The following TMC2 variants were observed in gnomAD, a reference collection of about 807,000 sequenced individuals.
TMC2 encodes transmembrane channel like 2, also known as transmembrane channel-like protein 2.
TMC2 carries 102 observed loss-of-function variants against 105.9 expected under a neutral mutation model. That is an observed-to-expected ratio of 0.96 (90% CI 0.82 to 1.14). The LOEUF is 1.14. Ranked by LOEUF, TMC2 falls within the 50% of genes most tolerant of loss-of-function variation. The probability of loss-of-function intolerance (pLI) is 0.00; values close to 1 mark genes in which losing one functional copy is unlikely to be tolerated. For synonymous variants in TMC2, 402 were observed against 422.8 expected, an observed-to-expected ratio of 0.95 and a Z score of 0.60; for missense variants, 1,093 against 1,134.3, an observed-to-expected ratio of 0.96 and a Z score of 0.52.
At position 2,617,117 on chromosome 20, in the gene TMC2, G is replaced by A. The variant is rs143375715; in HGVS notation, c.1986G>A (p.Leu662=). 2.4e-5 allele frequency: 38 copies of A among 1,614,098 alleles called. No individual in the cohort carries two copies. The African/African-American group carries it at 2.7e-4, about 11-fold the overall frequency. Residue 662 remains leucine, a synonymous_variant, in exon 16 of 20, where the codon CTG becomes CTA. Transcript: ENST00000358864. ...YAPGLVGINV[L]RLLTSMYFQC... is the part of the protein sequence containing the mutation. The stretch of plus-strand genomic sequence containing the variant: ...CAGGCCTGGTGGGCATTAATGTGCT[G>A]CGCCTGCTGACCTCCATGTACTTCC...
At chr20:2,623,345 C>T (rs1332838493) in intron 16 of TMC2, among the ~76,000 whole-genome samples, 1 of 151,958 alleles carries the variant, frequency 6.6e-6, no homozygotes, top group Non-Finnish European at 1.5e-5. Context: ...TGAGAGCAGC[C>T]TGGCCAACAT....
At chr20:2,554,503 C>A (rs2085974908) in intron 2 of TMC2, among the ~76,000 whole-genome samples, 2 of 151,986 alleles carry the variant, frequency 1.3e-5, no homozygotes, top group South Asian at 4.2e-4. Flanking sequence ...TTAATTTGTT[C>A]TTTTTTAGTT....
intron 6 of TMC2, among the ~76,000 whole-genome samples, chr20:2,579,506 T>A (rs1270879271): frequency 6.6e-6 from 1 of 151,696 alleles, no homozygotes; most frequent in East Asian, 1.9e-4. Context: ...ACTGCAACCT[T>A]CACCTCCTAG....
At chr20:2,601,027 T>C (rs2086348211) in intron 10 of TMC2, among the ~76,000 whole-genome samples, 1 of 149,136 alleles carries the variant, frequency 6.7e-6, no homozygotes, top group Admixed American at 6.6e-5. Flanking sequence ...TTAAGTTCTA[T>C]TAATAGTATC....
intron 2 of TMC2, among the ~76,000 whole-genome samples, chr20:2,541,674 A>T (rs1023592275): frequency 2.6e-5 from 4 of 152,006 alleles, no homozygotes; most frequent in Admixed American, 6.5e-5. Flanking sequence ...GAAAGAAAAA[A>T]AAGAAAAGAA....
intron 17 of TMC2, among the ~76,000 whole-genome samples, chr20:2,630,223 T>C (rs909440337): frequency 6.6e-6 from 1 of 152,230 alleles, no homozygotes; most frequent in Non-Finnish European, 1.5e-5. Context: ...GATAGAACTT[T>C]TAGAGTTGTT....
At chr20:2,538,361 C>G (rs1201557249) in intron 2 of TMC2, among the ~76,000 whole-genome samples, 1 of 152,194 alleles carries the variant, frequency 6.6e-6, no homozygotes, top group Non-Finnish European at 1.5e-5. Flanking sequence ...CCCCACCTGC[C>G]TGCCTCATCC....
In TMC2 at chr20:2,639,681, A is replaced by G. The variant is rs147824153; in HGVS notation, c.2504-1453A>G. ...TGAAAAGAGAAGCACTGGAATATCT[A>G]GAATAATAGAGTGAGAAAAGTCAAC... On this transcript the variant is annotated intron_variant, in intron 19 of 19. Transcript: ENST00000358864. Among the ~76,000 whole-genome samples, 688 of 152,324 alleles carry G rather than the reference A, an allele frequency of 4.5e-3. 6 individuals carry two copies. Among genetic ancestry groups the G allele is most frequent in the African/African-American group, 0.016 (650 of 41,568 alleles).
intron 17 of TMC2, among the ~76,000 whole-genome samples, chr20:2,627,748 C>T (rs1367884196): frequency 6.6e-6 from 1 of 152,144 alleles, no homozygotes; most frequent in African/African-American, 2.4e-5. Flanking sequence ...GAGAGCTGGA[C>T]CAATACAAGT....
At chr20:2,571,809 G>A (rs2122855930) in intron 4 of TMC2, among the ~76,000 whole-genome samples, 1 of 152,258 alleles carries the variant, frequency 6.6e-6, no homozygotes, top group South Asian at 2.1e-4. Context: ...AGAGCAGCCT[G>A]AGCAACACAG....
intron 10 of TMC2, among the ~76,000 whole-genome samples, chr20:2,599,087 G>A (rs928935936): frequency 7.9e-5 from 12 of 151,944 alleles, no homozygotes; most frequent in Non-Finnish European, 1.8e-4. Context: ...AGTAGAGATG[G>A]GGTTTCACCA....
intron 10 of TMC2, among the ~76,000 whole-genome samples, chr20:2,598,113 G>A (rs940259995): frequency 2.0e-5 from 3 of 151,850 alleles, no homozygotes; most frequent in African/African-American, 7.3e-5. Context: ...AACACTGATG[G>A]CTGCGCCAAA....
chr20:2,637,468 C>T lies in TMC2; in HGVS notation c.2386-6C>T. The T allele has an allele frequency of 6.3e-7, 1 of 1,596,958 alleles. No individual in the cohort carries two copies. On this transcript the variant is annotated splice_region_variant and splice_polypyrimidine_tract_variant and intron_variant, in intron 18 of 19. Transcript: ENST00000358864. ...GCCAGGACCAACAGTTCATTATTTC[C>T]TGCAGCTCCGTGAAGTTGAGAAGAG... is the stretch of plus-strand genomic sequence containing the variant.
At chr20:2,608,360 C>T (rs1427461191) in intron 11 of TMC2, among the ~76,000 whole-genome samples, 1 of 146,990 alleles carries the variant, frequency 6.8e-6, no homozygotes, top group South Asian at 2.2e-4. Flanking sequence ...TGAAGTCTTG[C>T]TCTGTCATCC....
intron 2 of TMC2, among the ~76,000 whole-genome samples, chr20:2,547,227 G>A (rs900106386): frequency 3.3e-5 from 5 of 152,066 alleles, no homozygotes; most frequent in Admixed American, 6.6e-5. Flanking sequence ...GAAAAGCACT[G>A]GCCTGAAGGA....
chr20:2,638,759 A>G (rs1273258984), intron 19 of TMC2, among the ~76,000 whole-genome samples: 9 of 152,220 alleles, frequency 5.9e-5, no homozygotes, highest in Non-Finnish European at 1.3e-4. Context: ...AAAACAGAAA[A>G]AGCTTATCAA....
intron 5 of TMC2, among the ~76,000 whole-genome samples, chr20:2,574,643 A>C (rs889799528): frequency 6.6e-6 from 1 of 152,184 alleles, no homozygotes; most frequent in Non-Finnish European, 1.5e-5. Context: ...ATTTCATTAA[A>C]ATTTTCATAT....
intron 6 of TMC2, 80 bp downstream of exon 6, chr20:2,579,307 C>G (rs2086170301): frequency 3.7e-6 from 3 of 811,418 alleles, no homozygotes. Context: ...CCTTGGCCCT[C>G]TGAATAGATT....
At position 2,561,945 on chromosome 20, in the gene TMC2, AAAG is replaced by A. The variant is rs1177517872; in HGVS notation, c.493_495del (p.Lys165del). On this transcript the variant is annotated inframe_deletion, in exon 4 of 20. Coordinates refer to ENST00000358864, the MANE Select transcript of TMC2 (RefSeq NM_080751.3). ...AGATCCTGGAGCAGGTGGAAGAAAAAAAGAAGCTCATTGCCACCATGCGGAGCA... is the reference window on the plus strand; with the variant it reads ...AGATCCTGGAGCAGGTGGAAGAAAAAAAGCTCATTGCCACCATGCGGAGCA... 1 of 1,614,098 alleles carries A rather than the reference AAAG, an allele frequency of 6.2e-7. No homozygotes were observed. The highest frequency in any genetic ancestry group is 8.5e-7 in the Non-Finnish European group (1 of 1,180,038).
Sources: allele counts gnomAD v4.1 joint callset (sites outside exome capture counted in the v4.1 genomes callset), GRCh38; gene constraint gnomAD v4.1.1; transcripts MANE v1.5; gene names NCBI Gene and HGNC (gene_info 2026-07-23, HGNC 2026-07-21).